MIR2052HG: variants seen among roughly 807,000 people sequenced by gnomAD.
MIR2052HG encodes MIR2052 host gene.
At chr8:74,711,382 A>C (rs1477431956) in intron 4 of MIR2052HG, among the ~76,000 whole-genome samples, 1 of 152,236 alleles carries the variant, frequency 6.6e-6, no homozygotes, top group Non-Finnish European at 1.5e-5. Flanking sequence ...TTGTGTATGT[A>C]GGAGGATCTT....
chr8:74,727,651 T>C (rs1222006089), intron 4 of MIR2052HG, among the ~76,000 whole-genome samples: 1 of 152,228 alleles, frequency 6.6e-6, no homozygotes, highest in South Asian at 2.1e-4. Flanking sequence ...ACAGACCTAC[T>C]TGCATATTTT....
At chr8:74,625,765 A>G (rs1178856456) in intron 2 of MIR2052HG, among the ~76,000 whole-genome samples, 1 of 152,172 alleles carries the variant, frequency 6.6e-6, no homozygotes, top group East Asian at 1.9e-4. Flanking sequence ...TTCCCCTTTC[A>G]TTGACAAATG....
intron 4 of MIR2052HG, among the ~76,000 whole-genome samples, chr8:74,752,281 CAAAAAAAAAAAA>C (rs34347449): frequency 3.1e-4 from 25 of 79,390 alleles, no homozygotes; most frequent in Admixed American, 8.2e-4. Flanking sequence ...GATCCTGTCT[CAAAAAAAAAAAA>C]AAAAAAAAAG....
chr8:74,742,530 A>G (rs186388681), intron 4 of MIR2052HG, among the ~76,000 whole-genome samples: 1 of 152,216 alleles, frequency 6.6e-6, no homozygotes, highest in African/African-American at 2.4e-5. Context: ...TAATTAGGTG[A>G]CAAATGTATC....
In MIR2052HG at chr8:74,737,061, C is replaced by T. The variant is rs537747255; in HGVS notation, n.372-15380C>T. On this transcript the variant is annotated intron_variant and non_coding_transcript_variant, in intron 4 of 6. Coordinates refer to ENST00000523442, the Ensembl canonical transcript of MIR2052HG. ...TTGCAAATCCCCCACCTTTTCTGCG[C>T]GCAGTTGAGAAATTGGCAGTCCGCA... Among the ~76,000 whole-genome samples the T allele has an allele frequency of 1.1e-4, 17 of 152,316 alleles. No individual in the cohort carries two copies. In the East Asian group the frequency reaches 2.9e-3, roughly 26 times the overall value.
chr8:74,696,982 A>G (rs1454878978), intron 2 of MIR2052HG, among the ~76,000 whole-genome samples: 1 of 151,888 alleles, frequency 6.6e-6, no homozygotes, highest in Non-Finnish European at 1.5e-5. Context: ...ATAATGATAA[A>G]TCATTATCAC....
Position 74,698,779 on chromosome 8 carries a change from T to C in MIR2052HG, n.217-3600T>C, listed in dbSNP as rs528205924. On this transcript the variant is annotated intron_variant and non_coding_transcript_variant, in intron 2 of 6. Coordinates refer to ENST00000523442, the Ensembl canonical transcript of MIR2052HG. ...GGGAACAACACACACCAGTGCCTCT[T>C]AGGGGGTGGGAGGCAAGGGGAGGAA... is the stretch of plus-strand genomic sequence containing the variant. Among the ~76,000 whole-genome samples, 4 of 152,080 alleles carry C rather than the reference T, an allele frequency of 2.6e-5. No individual in the cohort carries two copies. In the South Asian group the frequency reaches 8.3e-4, roughly 32 times the overall value.
intron 2 of MIR2052HG, among the ~76,000 whole-genome samples, chr8:74,669,282 C>T (rs1808965066): frequency 6.6e-6 from 1 of 152,116 alleles, no homozygotes; most frequent in Non-Finnish European, 1.5e-5. Context: ...CTCAAAAATC[C>T]ACATCCTATT....
chr8:74,698,782 G>T (rs185426193), intron 2 of MIR2052HG, among the ~76,000 whole-genome samples: 1 of 152,096 alleles, frequency 6.6e-6, no homozygotes, highest in Admixed American at 6.6e-5. Context: ...TGCCTCTTAG[G>T]GGGTGGGAGG....
At chr8:74,673,460 G>C (rs1195147663) in intron 2 of MIR2052HG, among the ~76,000 whole-genome samples, 1 of 151,994 alleles carries the variant, frequency 6.6e-6, no homozygotes, top group Non-Finnish European at 1.5e-5. Flanking sequence ...GGCTGCCTTG[G>C]TTGGCTATCA....
At chr8:74,738,133 G>GTATGTATGTATGTATCTATC (rs1554578693) in intron 4 of MIR2052HG, among the ~76,000 whole-genome samples, 1 of 149,630 alleles carries the variant, frequency 6.7e-6, no homozygotes, top group African/African-American at 2.5e-5. Context: ...ATGTATGTAT[G>GTATGTATGTATGTATCTATC]TATCTATCTA....
intron 2 of MIR2052HG, chr8:74,628,940 G>T: frequency 6.6e-6 from 1 of 152,152 alleles, no homozygotes; most frequent in Non-Finnish European, 1.5e-5. Context: ...GGAGCTCCAT[G>T]GTTTTCCAGT....
chr8:74,647,410 A>G (rs942825758), intron 2 of MIR2052HG, among the ~76,000 whole-genome samples: 3 of 152,354 alleles, frequency 2.0e-5, no homozygotes, highest in African/African-American at 7.2e-5. Context: ...ATTACAAACT[A>G]TAATATGTTA....
intron 2 of MIR2052HG, among the ~76,000 whole-genome samples, chr8:74,686,226 T>A (rs1366167786): frequency 6.6e-6 from 1 of 151,914 alleles, no homozygotes; most frequent in Non-Finnish European, 1.5e-5. Context: ...TCCTTGTAGA[T>A]CCCTTTAACT....
intron 2 of MIR2052HG, among the ~76,000 whole-genome samples, chr8:74,643,462 T>G (rs927197349): frequency 4.6e-5 from 7 of 152,326 alleles, no homozygotes; most frequent in African/African-American, 1.7e-4. Context: ...TGCTGGTGTT[T>G]CCAGAAGTCC....
chr8:74,741,421 C>G (rs1809827255), intron 4 of MIR2052HG, among the ~76,000 whole-genome samples: 2 of 152,198 alleles, frequency 1.3e-5, no homozygotes, highest in Non-Finnish European at 2.9e-5. Flanking sequence ...TTGACCTTTT[C>G]TAACCCTGGG....
At chr8:74,743,130 C>A (rs922863379) in intron 4 of MIR2052HG, among the ~76,000 whole-genome samples, 1 of 151,666 alleles carries the variant, frequency 6.6e-6, no homozygotes, top group African/African-American at 2.4e-5. Flanking sequence ...AGCAAGGAGG[C>A]TTTTGGACAC....
chr8:74,734,098 T>G (rs1809722834), intron 4 of MIR2052HG, among the ~76,000 whole-genome samples: 1 of 152,234 alleles, frequency 6.6e-6, no homozygotes, highest in Admixed American at 6.5e-5. Flanking sequence ...GACAAAGGGC[T>G]AATATCCAGA....
chr8:74,691,217 A>G (rs1586915016), intron 2 of MIR2052HG, among the ~76,000 whole-genome samples: 1 of 152,240 alleles, frequency 6.6e-6, no homozygotes, highest in East Asian at 1.9e-4. Context: ...CCTGATGGCC[A>G]TGATGTGTGT....
Sources: gnomAD v4.1 joint callset for allele counts (sites outside exome capture counted in the v4.1 genomes callset) on GRCh38, gnomAD v4.1.1 for gene constraint, MANE v1.5 for transcripts, NCBI Gene and HGNC (gene_info 2026-07-23, HGNC 2026-07-21) for gene names.